Variants in GAA observed in about 807,000 individuals in gnomAD.
The protein encoded by GAA is lysosomal alpha-glucosidase.
GAA carries 88 observed loss-of-function variants against 103.9 expected under a neutral mutation model. The observed-to-expected ratio is 0.85, with a 90% CI of 0.71 to 1.01. The LOEUF is 1.01. Among genes scored for constraint, GAA ranks in the 50% least tolerant of loss-of-function variants. GAA has a pLI of 0.00. For missense variants in GAA, 1,350 were observed against 1,305.3 expected (o/e 1.03, Z -0.53); for synonymous variants, 572 against 563.1 (o/e 1.02, Z -0.22).
chr17:80,105,558 A>G (rs2039062689), intron 2 of GAA, among the ~76,000 whole-genome samples, 191 bp from the exon 3 acceptor site: 1 of 152,194 alleles, frequency 6.6e-6, no homozygotes, highest in Non-Finnish European at 1.5e-5. Flanking sequence ...TTTTACCTCC[A>G]TCCTGGGGGA....
intron 3 of GAA, among the ~76,000 whole-genome samples, chr17:80,106,704 GC>G (rs1314874943): frequency 2.6e-5 from 4 of 152,304 alleles, no homozygotes; most frequent in African/African-American, 9.6e-5. Flanking sequence ...GGTCACTTGA[GC>G]CCAGGAGTTC....
At position 80,104,773 on chromosome 17, in the gene GAA, C is replaced by T; in HGVS notation, c.187C>T (p.Pro63Ser). ...AGCTCACCAGCAGGGAGCCAGCAGA[C>T]CAGGGCCCCGGGATGCCCAGGCACA... ...HPAHQQGASR[P>S]GPRDAQAHPG... Residue 63 changes from proline (P) to serine (S), a missense_variant, in exon 2 of 20, where the codon CCA (proline) becomes TCA (serine). Physicochemically the swap from Pro to Ser is moderately conservative, Grantham distance 74. Coordinates refer to ENST00000302262, the MANE Select transcript of GAA (RefSeq NM_000152.5). This position sits in a 1 kb window ranked among gnomAD's most constrained non-coding sequence, Gnocchi z 4.0. 6.2e-7 allele frequency: 1 copy of T among 1,611,598 alleles called. No homozygotes were observed. Among genetic ancestry groups the T allele is most frequent in the East Asian group, 2.2e-5 (1 of 44,794 alleles).
rs187052547 is a variant in GAA, at chr17:80,116,418, G to A, written c.2190-550G>A. 3.3e-5 allele frequency among the ~76,000 whole-genome samples: 5 copies of A among 152,330 alleles called. No individual in the cohort carries two copies. The East Asian group carries it at 9.7e-4, about 29-fold the overall frequency. On this transcript the variant is annotated intron_variant, in intron 15 of 19. Coordinates refer to ENST00000302262, the MANE Select transcript of GAA (RefSeq NM_000152.5). ...ATGCAGGGATCATAGCTGAGCACTG[G>A]ATGCCCCCTGCACGTCCGGGGGCAG...
chr17:80,117,450 G>A (rs1187538446), intron 16 of GAA, 150 bp from the exon 17 acceptor site: 7 of 944,416 alleles, frequency 7.4e-6, no homozygotes, highest in Non-Finnish European at 1.7e-6. Context: ...AGTGAGCCCT[G>A]AGTCTGCGCC....
chr17:80,108,448 C>T (rs2039147219), intron 6 of GAA, 39 bp downstream of exon 6: 1 of 1,613,170 alleles, frequency 6.2e-7, no homozygotes, highest in Non-Finnish European at 8.5e-7. Flanking sequence ...CGCCCCAAGG[C>T]TCCCTCCTCC....
chr17:80,118,205 A>C lies in GAA; in HGVS notation c.2494A>C (p.Thr832Pro). The change falls in exon 18 of 20, where the codon ACA becomes CCA. Residue 832 changes from threonine (T) to proline (P), a missense_variant. Thr to Pro is a conservative substitution (Grantham distance 38, BLOSUM62 -1). Coordinates refer to ENST00000302262, the MANE Select transcript of GAA (RefSeq NM_000152.5). ...CTTCCCTTTCCAGGGCCCTGGCCTC[A>C]CAACCACAGAGTCCCGCCAGCAGCC... The part of the protein sequence containing the change: ...YIIPLQGPGL[T>P]TTESRQQPMA... The C allele has an allele frequency of 6.2e-7, 1 of 1,612,840 alleles. No homozygotes were observed. Among genetic ancestry groups the C allele is most frequent in the South Asian group, 1.1e-5 (1 of 91,004 alleles).
chr17:80,107,903 TGCCCGCC>T lies in GAA; in HGVS notation c.955+12_955+18del. 6.2e-7 allele frequency: 1 copy of T among 1,600,344 alleles called. No individual in the cohort carries two copies. Among genetic ancestry groups the T allele is most frequent in the Non-Finnish European group, 8.5e-7 (1 of 1,175,338 alleles). On this transcript the variant is annotated splice_region_variant and intron_variant, in intron 5 of 19. Coordinates refer to ENST00000302262, the MANE Select transcript of GAA (RefSeq NM_000152.5). ...CTAAACAGCAATGCCATGGGTAAGC[TGCCCGCC>T]GCCCAGCGCCCGGGCCGGGGTCTCC...
At chr17:80,103,023 C>T (rs914394313) in intron 1 of GAA, among the ~76,000 whole-genome samples, 1 of 152,224 alleles carries the variant, frequency 6.6e-6, no homozygotes, top group African/African-American at 2.4e-5. Flanking sequence ...AAATGTTTCA[C>T]CCTCCAGCCC....
chr17:80,118,623 T>C, intron 18 of GAA, 30 bp from the exon 19 acceptor site: 1 of 1,610,066 alleles, frequency 6.2e-7, no homozygotes, highest in South Asian at 1.1e-5. Context: ...CCACATTCTC[T>C]GCCTTTTCAT....
rs964249562 is a variant in GAA at position 80,108,760 on chromosome 17, G to A, written c.1258G>A (p.Gly420Ser). 1 of 1,611,468 alleles carries A rather than the reference G, an allele frequency of 6.2e-7. No homozygotes were observed. The highest frequency in any genetic ancestry group is 8.5e-7 in the Non-Finnish European group (1 of 1,179,318). ...GAGGGACTTCACGTTCAACAAGGAT[G>A]GCTTCCGGGACTTCCCGGCCATGGT... is the stretch of plus-strand genomic sequence containing the variant. ...SRRDFTFNKD[G>S]FRDFPAMVQE... Residue 420 changes from glycine to serine, a missense_variant, in exon 8 of 20, where the codon GGC becomes AGC. By Grantham distance (56) the Gly-to-Ser change is moderately conservative. Transcript: ENST00000302262.
chr17:80,113,827 T>G (rs369400248), intron 15 of GAA, among the ~76,000 whole-genome samples: 1,645 of 141,708 alleles, frequency 0.012, 13 homozygotes, highest in Non-Finnish European at 0.018. Flanking sequence ...GAGGCCAGCC[T>G]GGCCAACATG....
rs972689883 is a variant in GAA, at chr17:80,104,475, G to A, written c.-32-80G>A. 4.3e-5 allele frequency: 46 copies of A among 1,061,124 alleles called. No homozygotes were observed. The highest frequency in any genetic ancestry group is 5.7e-5 in the Non-Finnish European group (43 of 749,068). 65.7% of individuals were successfully genotyped at this position (1,061,124 alleles called of 1,614,324 possible). On this transcript the variant is annotated intron_variant, in intron 1 of 19. Transcript: ENST00000302262. The surrounding 1 kb of genome is among the most constrained non-coding windows in gnomAD (Gnocchi z 4.0). ...GGGTGCTGCAGTGCCAGCCGCGGTT[G>A]ATGTCTCAGAGCTGCTTTGAGAGCC...
In GAA at chr17:80,104,813, G is replaced by C; in HGVS notation, c.227G>C (p.Arg76Thr). 6.2e-7 allele frequency: 1 copy of C among 1,612,374 alleles called. No individual in the cohort carries two copies. Among genetic ancestry groups the C allele is most frequent in the Non-Finnish European group, 8.5e-7 (1 of 1,179,784 alleles). ...RDAQAHPGRP[R>T]AVPTQCDVPP... ...GCCCAGGCACACCCCGGCCGTCCCA[G>C]AGCAGTGCCCACACAGTGCGACGTC... Residue 76 changes from arginine (R) to threonine (T), a missense_variant, in exon 2 of 20, where the codon AGA (arginine) becomes ACA (threonine). Arg to Thr is a moderately conservative substitution (Grantham distance 71). Transcript: ENST00000302262. This position sits in a 1 kb window ranked among gnomAD's most constrained non-coding sequence, Gnocchi z 4.0.
At chr17:80,110,672 C>A in intron 9 of GAA, 55 bp from the exon 10 acceptor site, 1 of 1,492,524 alleles carries the variant, frequency 6.7e-7, no homozygotes, top group Non-Finnish European at 9.3e-7. Context: ...AGTGGGGCTT[C>A]CATGCAGGCC....
At position 80,112,453 on chromosome 17, in the gene GAA, C is replaced by G. The variant is rs1004058484; in HGVS notation, c.1755-125C>G. 15 of 1,235,490 alleles carry G rather than the reference C, an allele frequency of 1.2e-5. No homozygotes were observed. The African/African-American group carries it at 2.1e-4, about 17-fold the overall frequency. The allele number at this position is 1,235,490 out of a possible 1,614,324, so 76.5% of individuals were successfully genotyped here. ...CCGCAGACATGGGCAGTAGCCTCGC[C>G]GTCCTCCTCCCCAGCCTCTGCCTCA... On this transcript the variant is annotated intron_variant, in intron 12 of 19. Transcript: ENST00000302262.
chr17:80,108,166 G>T, intron 5 of GAA, 124 bp from the exon 6 acceptor site: 1 of 1,543,694 alleles, frequency 6.5e-7, no homozygotes. Context: ...GCTTCCCCAG[G>T]CCACTCTGAG....
intron 3 of GAA, among the ~76,000 whole-genome samples, chr17:80,106,653 C>T (rs917690907): frequency 7.2e-5 from 11 of 152,174 alleles, no homozygotes; most frequent in Non-Finnish European, 1.6e-4. Context: ...TATGGTGGTT[C>T]ATGTCTGCAA....
chr17:80,101,775 G>C lies in GAA; in HGVS notation c.-148G>C, dbSNP rs1046227485. ...GGGATGAGGCAGCAGGTAGGACAGT[G>C]ACCTCGGTGACGCGAAGGACCCCGG... On this transcript the variant is annotated 5_prime_UTR_variant, in exon 1 of 20. The change abolishes the stop of an existing upstream ORF in the 5' untranslated region. Coordinates refer to ENST00000302262, the MANE Select transcript of GAA (RefSeq NM_000152.5). 1.3e-5 allele frequency: 2 copies of C among 152,268 alleles called. No homozygotes were observed. Among genetic ancestry groups the C allele is most frequent in the African/African-American group, 4.8e-5 (2 of 41,458 alleles). 9.4% of individuals were successfully genotyped at this position (152,268 alleles called of 1,614,324 possible). A position where few individuals can be genotyped will look rare whatever the true frequency, so the allele number is the denominator to read the frequency against.
intron 3 of GAA, 108 bp downstream of exon 3, chr17:80,106,002 A>G (rs2143835981): frequency 2.8e-6 from 4 of 1,424,744 alleles, no homozygotes; most frequent in Non-Finnish European, 3.8e-6. Flanking sequence ...AGGGCGACAC[A>G]TGTTTGTTTC....
Sources: gnomAD v4.1 joint callset for allele counts (sites outside exome capture counted in the v4.1 genomes callset) on GRCh38, gnomAD v4.1.1 for gene constraint, Gnocchi (gnomAD v3.1) non-coding constraint, MANE v1.5 for transcripts, NCBI Gene and HGNC (gene_info 2026-07-23, HGNC 2026-07-21) for gene names.